The following MAP3K13 variants were observed in gnomAD, a reference collection of about 807,000 sequenced individuals.
MAP3K13 encodes the protein leucine zipper-bearing kinase.
In MAP3K13, 52 loss-of-function variants were observed where a neutral mutation model predicts 104.0. The observed-to-expected ratio is 0.50, with a 90% confidence interval of 0.40 to 0.63. The LOEUF is 0.63. Among genes scored for constraint, MAP3K13 ranks in the 20% least tolerant of loss-of-function variants. The pLI, the probability that MAP3K13 is intolerant of heterozygous loss-of-function variation, is 0.00. For synonymous variants in MAP3K13, 394 were observed against 442.2 expected (o/e 0.89, Z 1.37); for missense variants, 914 against 1,218.5 (o/e 0.75, Z 3.72).
At chr3:185,361,041 T>C (rs532699740), upstream of MAP3K13, among the ~76,000 whole-genome samples, 1 of 151,494 alleles carries the variant, frequency 6.6e-6, no homozygotes, top group East Asian at 1.9e-4. Context: ...TGGCCAGGCT[T>C]GTCTCAAACT....
intron 2 of MAP3K13, among the ~76,000 whole-genome samples, chr3:185,310,968 G>A (rs1164057081): frequency 6.6e-6 from 1 of 152,168 alleles, no homozygotes; most frequent in East Asian, 1.9e-4. Flanking sequence ...AGGCTCTATG[G>A]TGGAACTTAA....
rs201086535 is a variant in MAP3K13 at position 185,331,090 on chromosome 3, A to G, written c.-86+45447A>G. 1.1e-3 allele frequency among the ~76,000 whole-genome samples: 51 copies of G among 47,146 alleles called. 1 individual carries two copies. Among genetic ancestry groups the G allele is most frequent in the East Asian group, 5.2e-3 (8 of 1,536 alleles). The allele number at this position is 47,146 out of a possible 152,430, so 30.9% of individuals were successfully genotyped here. On this transcript the variant is annotated intron_variant, in intron 2 of 14. Coordinates refer to the MAP3K13 transcript ENST00000424227. ...CACTTTTTTTCTTTTAACCTAATTT[A>G]CCTTTTTTTTTTTTTTTTTTGAGAC... is the stretch of plus-strand genomic sequence containing the variant.
At chr3:185,348,083 A>G (rs531117845) in intron 2 of MAP3K13, among the ~76,000 whole-genome samples, 198 of 152,224 alleles carry the variant, frequency 1.3e-3, no homozygotes, top group African/African-American at 4.4e-3. Context: ...CGACTATTTT[A>G]TACTCCAACT....
intron 7 of MAP3K13, among the ~76,000 whole-genome samples, chr3:185,455,383 T>A (rs62650463): frequency 3.1e-5 from 1 of 32,332 alleles, no homozygotes; most frequent in African/African-American, 1.2e-4. Context: ...ATATATATGA[T>A]ATATATATCA....
intron 2 of MAP3K13, among the ~76,000 whole-genome samples, chr3:185,308,009 CTTTTTTTTT>C (rs33949195): frequency 3.2e-5 from 1 of 31,566 alleles, no homozygotes; most frequent in Non-Finnish European, 5.7e-5. Flanking sequence ...TCTTTGGGGT[CTTTTTTTTT>C]TTTTTTTTTT....
chr3:185,361,136 A>G (rs201658263), upstream of MAP3K13, among the ~76,000 whole-genome samples: 1 of 151,070 alleles, frequency 6.6e-6, no homozygotes, highest in East Asian at 1.9e-4. Flanking sequence ...ACACACATAT[A>G]TACATATACA....
chr3:185,381,672 T>A (rs1315872469), intron 1 of MAP3K13, among the ~76,000 whole-genome samples: 1 of 152,240 alleles, frequency 6.6e-6, no homozygotes, highest in Non-Finnish European at 1.5e-5. Flanking sequence ...TGAAATGCTG[T>A]CTAGTGTTCC....
intron 2 of MAP3K13, among the ~76,000 whole-genome samples, chr3:185,288,624 G>A (rs902454042): frequency 7.3e-5 from 11 of 151,678 alleles, no homozygotes; most frequent in Admixed American, 5.3e-4. Context: ...GTGCATTAAG[G>A]CCTTAGAGCT....
rs141058528 is a variant in MAP3K13, at chr3:185,450,930, A to G, written c.1170-357A>G. ...CGATGAAACCCCGTCTCTACTAAAA[A>G]TACAAAAAAATTAGCCAGGTCTGGT... On this transcript the variant is annotated intron_variant, in intron 6 of 13. Coordinates refer to ENST00000265026, the MANE Select transcript of MAP3K13 (RefSeq NM_004721.5). This position sits in a 1 kb window ranked among gnomAD's most constrained non-coding sequence, Gnocchi z 4.2. Among the ~76,000 whole-genome samples, 2,709 of 152,286 alleles carry G rather than the reference A, an allele frequency of 0.018. 74 individuals carry two copies. The highest frequency in any genetic ancestry group is 0.061 in the African/African-American group (2,549 of 41,548).
Position 185,455,414 on chromosome 3 carries a change from G to T in MAP3K13, c.1278+4019G>T, listed in dbSNP as rs540813704. 1.0e-4 allele frequency among the ~76,000 whole-genome samples: 5 copies of T among 49,224 alleles called. 1 individual carries two copies. Among genetic ancestry groups the T allele is most frequent in the Admixed American group, 3.0e-4 (1 of 3,310 alleles). The allele number at this position is 49,224 out of a possible 152,430, so 32.3% of individuals were successfully genotyped here. On this transcript the variant is annotated intron_variant, in intron 7 of 13. Coordinates refer to ENST00000265026, the MANE Select transcript of MAP3K13 (RefSeq NM_004721.5). ...TATCATATATGAGATATATATATGA[G>T]ATATATATGATATATATGAGATATA... is the stretch of plus-strand genomic sequence containing the variant.
At chr3:185,304,961 A>G (rs1025759140) in intron 2 of MAP3K13, among the ~76,000 whole-genome samples, 12 of 152,124 alleles carry the variant, frequency 7.9e-5, no homozygotes, top group Non-Finnish European at 1.8e-4. Flanking sequence ...TATCATTTGC[A>G]TGGAATATCT....
intron 1 of MAP3K13, among the ~76,000 whole-genome samples, chr3:185,385,103 G>GT (rs1023387794): frequency 2.6e-5 from 4 of 152,046 alleles, no homozygotes; most frequent in Non-Finnish European, 4.4e-5. Context: ...ATTTTGATTA[G>GT]TTTTTTAATA....
chr3:185,378,925 A>T (rs1724572042), intron 1 of MAP3K13, among the ~76,000 whole-genome samples: 1 of 152,220 alleles, frequency 6.6e-6, no homozygotes, highest in East Asian at 1.9e-4. Context: ...AGAAGAAAAT[A>T]AGACGCTTAG....
rs1450243015 is a variant in MAP3K13 at position 185,466,931 on chromosome 3, A to G, written c.1611A>G (p.Gly537=). 1 of 1,613,984 alleles carries G rather than the reference A, an allele frequency of 6.2e-7. No homozygotes were observed. Among genetic ancestry groups the G allele is most frequent in the Middle Eastern group, 1.7e-4 (1 of 6,056 alleles). The change falls in exon 10 of 14, where the codon GGA becomes GGG. Residue 537 remains glycine (G), a synonymous_variant. Coordinates refer to ENST00000265026, the MANE Select transcript of MAP3K13 (RefSeq NM_004721.5). ...NAMEKLMKRK[G]VPHKSGMQTK... The stretch of plus-strand genomic sequence containing the variant: ...TGGAGAAACTCATGAAAAGGAAAGG[A>G]GTGCCTCACAAATCTGGGATGCAGA...
In MAP3K13 at chr3:185,468,114, A is replaced by AC. The variant is rs11393278; in HGVS notation, c.1643+1156dup. On this transcript the variant is annotated intron_variant, in intron 10 of 13. Coordinates refer to ENST00000265026, the MANE Select transcript of MAP3K13 (RefSeq NM_004721.5). The stretch of plus-strand genomic sequence containing the variant: ...GAGAAACTGCCCCCATGATCCAATC[A>AC]CCCCCTCACCAGGCCCCACCTCCAA... Among the ~76,000 whole-genome samples the AC allele has an allele frequency of 5.4e-3, 820 of 151,632 alleles. 4 individuals are homozygous for AC. Among genetic ancestry groups the AC allele is most frequent in the African/African-American group, 0.019 (783 of 41,314 alleles).
intron 2 of MAP3K13, among the ~76,000 whole-genome samples, chr3:185,344,821 A>T (rs567777406): frequency 1.3e-5 from 2 of 151,734 alleles, no homozygotes; most frequent in South Asian, 4.2e-4. Flanking sequence ...TCACCAGGTG[A>T]TCTGCCTTCT....
chr3:185,443,351 G>A (rs989489189), intron 3 of MAP3K13, 94 bp from the exon 4 acceptor site: 30 of 779,026 alleles, frequency 3.9e-5, no homozygotes, highest in Admixed American at 3.2e-4. Flanking sequence ...AAAATAATTC[G>A]GGTATAGAAT....
In MAP3K13 at chr3:185,418,493, AC is replaced by A. The variant is rs1713929532; in HGVS notation, c.-85-10003del. 1.2e-6 allele frequency: 2 copies of A among 1,611,816 alleles called. No individual in the cohort carries two copies. The highest frequency in any genetic ancestry group is 2.7e-5 in the African/African-American group (2 of 74,842). On this transcript the variant is annotated intron_variant, in intron 1 of 13. Coordinates refer to ENST00000265026, the MANE Select transcript of MAP3K13 (RefSeq NM_004721.5). The surrounding 1 kb of genome is among the most constrained non-coding windows in gnomAD (Gnocchi z 4.5). ...GGTGCAAACCTTCGGCCTCCACGAC[AC>A]ATGTTTCCAAAAGCACCCTGGCCAG...
chr3:185,321,310 T>C (rs1015336877), intron 2 of MAP3K13, among the ~76,000 whole-genome samples: 1 of 152,236 alleles, frequency 6.6e-6, no homozygotes, highest in African/African-American at 2.4e-5. Context: ...TGTATGTGTG[T>C]GTATAGTATT....
Sources: allele counts gnomAD v4.1 joint callset (sites outside exome capture counted in the v4.1 genomes callset), GRCh38; gene constraint gnomAD v4.1.1; non-coding constraint Gnocchi (gnomAD v3.1); transcripts MANE v1.5; gene names NCBI Gene and HGNC (gene_info 2026-07-23, HGNC 2026-07-21).